The following DCK variants were observed in gnomAD, a reference collection of about 807,000 sequenced individuals.
DCK encodes the protein deoxyadenosine kinase.
A neutral mutation model predicts 38.3 loss-of-function variants in DCK; 23 were observed. The ratio of observed to expected loss-of-function variants is 0.60; its 90% confidence interval spans 0.43 to 0.85. The LOEUF (loss-of-function observed/expected upper bound fraction) is 0.85. DCK is among the 40% of genes least tolerant of loss of function. The pLI is 0.00. For synonymous variants in DCK, 108 were observed against 100.6 expected, an observed-to-expected ratio of 1.07 and a Z score of -0.44; for missense variants, 259 against 304.4, an observed-to-expected ratio of 0.85 and a Z score of 1.11.
chr4:71,026,613 T>C (rs1336684792), intron 5 of DCK, 52 bp from the exon 6 acceptor site: 15 of 887,600 alleles, frequency 1.7e-5, no homozygotes, highest in Non-Finnish European at 2.6e-5. Context: ...AATGTTTCTC[T>C]CTTTTTTTTG....
intron 2 of DCK, among the ~76,000 whole-genome samples, chr4:71,005,186 C>T (rs1440493118): frequency 6.6e-6 from 1 of 152,030 alleles, no homozygotes. Context: ...CTGGATAGCA[C>T]CATCCCTCAA....
At chr4:71,011,733 A>G (rs1434015792) in intron 2 of DCK, among the ~76,000 whole-genome samples, 2 of 152,164 alleles carry the variant, frequency 1.3e-5, no homozygotes, top group Non-Finnish European at 2.9e-5. Context: ...CTCTTTTGCA[A>G]TGTTTACAAA....
At chr4:71,014,103 G>C (rs1449206330) in intron 2 of DCK, among the ~76,000 whole-genome samples, 5 of 152,102 alleles carry the variant, frequency 3.3e-5, no homozygotes, top group African/African-American at 1.2e-4. Context: ...ACAAAAAAAA[G>C]GCAGGTGTTG....
intron 5 of DCK, among the ~76,000 whole-genome samples, chr4:71,026,364 G>C (rs1740546717): frequency 6.6e-6 from 1 of 152,036 alleles, no homozygotes; most frequent in Non-Finnish European, 1.5e-5. Flanking sequence ...ACAATTCTGA[G>C]CTTTAGTTTT....
At chr4:71,017,858 A>G (rs1055663354) in intron 2 of DCK, among the ~76,000 whole-genome samples, 4 of 152,098 alleles carry the variant, frequency 2.6e-5, no homozygotes, top group East Asian at 1.9e-4. Context: ...CAGTACACCA[A>G]CATGGCACAT....
chr4:71,019,708 G>A (rs1331601959), intron 2 of DCK, among the ~76,000 whole-genome samples: 3 of 151,942 alleles, frequency 2.0e-5, no homozygotes, highest in Admixed American at 6.6e-5. Context: ...GTCTAATAAT[G>A]TTTTCGTAAT....
In DCK at chr4:71,002,775, G is replaced by T. The variant is rs1048574973; in HGVS notation, c.207+4593G>T. Among the ~76,000 whole-genome samples the T allele has an allele frequency of 2.0e-5, 3 of 152,044 alleles. No homozygotes were observed. In the South Asian group the frequency reaches 6.2e-4, roughly 32 times the overall value. ...GTCTGTTTTATCTGAGACTAGGATT[G>T]CAACCCCTGCCTTTTTTTTGCTTTC... On this transcript the variant is annotated intron_variant, in intron 2 of 6. Transcript: ENST00000286648.
chr4:71,029,186 G>A (rs1355414035), intron 6 of DCK, among the ~76,000 whole-genome samples, 166 bp from the exon 7 acceptor site: 2 of 152,202 alleles, frequency 1.3e-5, no homozygotes, highest in East Asian at 1.9e-4. Context: ...GAGCCGCTGC[G>A]CCCGGCCTTA....
intron 6 of DCK, 105 bp from the exon 7 acceptor site, chr4:71,029,247 A>C: frequency 3.2e-6 from 2 of 632,660 alleles, no homozygotes; most frequent in Non-Finnish European, 2.7e-6. Context: ...AGTTACTTAT[A>C]CAGCTGGGGT....
At chr4:71,011,706 AG>A (rs1740095489) in intron 2 of DCK, among the ~76,000 whole-genome samples, 2 of 152,210 alleles carry the variant, frequency 1.3e-5, no homozygotes, top group Non-Finnish European at 2.9e-5. Flanking sequence ...GATCTTTTAC[AG>A]TTGAACTTAA....
At position 70,998,184 on chromosome 4, in the gene DCK, T is replaced by C; in HGVS notation, c.207+2T>C. On this transcript the variant is annotated splice_donor_variant, in intron 2 of 6. Transcript: ENST00000286648. LOFTEE classifies it high-confidence loss of function. The stretch of plus-strand genomic sequence containing the variant: ...CAAAGTACTCAAGATGAATTTGAGG[T>C]ATGAAAATAAAATTTAAGTAGATAA... 2 of 1,500,060 alleles carry C rather than the reference T, an allele frequency of 1.3e-6. No homozygotes were observed. The highest frequency in any genetic ancestry group is 1.8e-6 in the Non-Finnish European group (2 of 1,086,660). 92.9% of individuals were successfully genotyped at this position (1,500,060 alleles called of 1,614,324 possible). A position where few individuals can be genotyped will look rare whatever the true frequency, so the allele number is the denominator to read the frequency against.
At chr4:71,025,558 T>A (rs1162560940) in intron 4 of DCK, among the ~76,000 whole-genome samples, 2 of 152,124 alleles carry the variant, frequency 1.3e-5, no homozygotes, top group Non-Finnish European at 2.9e-5. Context: ...CTCCTTTTTA[T>A]CAAACTTAGT....
chr4:70,995,638 C>T (rs1739644981), intron 1 of DCK, among the ~76,000 whole-genome samples: 1 of 152,146 alleles, frequency 6.6e-6, no homozygotes, highest in Admixed American at 6.5e-5. Flanking sequence ...TACCACAATA[C>T]ATTCATCCCC....
At position 71,022,430 on chromosome 4, in the gene DCK, C is replaced by T. The variant is rs1740448194; in HGVS notation, c.271C>T (p.Arg91Ter). 4 of 1,605,586 alleles carry T rather than the reference C, an allele frequency of 2.5e-6. No homozygotes were observed. Among genetic ancestry groups the T allele is most frequent in the East Asian group, 2.2e-5 (1 of 44,568 alleles). The change falls in exon 3 of 7, where the codon CGA becomes TGA. Residue 91 changes from arginine to a stop codon, truncating the protein, a stop_gained. Coordinates refer to ENST00000286648, the MANE Select transcript of DCK (RefSeq NM_000788.3). LOFTEE classifies it high-confidence loss of function. ...TCAGATGATGTATGAGAAACCTGAA[C>T]GATGGTCTTTTACCTTCCAAACATA... Reference protein sequence around the residue: ...VLQMMYEKPERWSFTFQTYAC... With the variant: ...VLQMMYEKPE
intron 2 of DCK, among the ~76,000 whole-genome samples, chr4:71,019,367 G>A (rs1740350435): frequency 1.3e-5 from 2 of 152,180 alleles, no homozygotes; most frequent in African/African-American, 4.8e-5. Flanking sequence ...AAGGAGGTAT[G>A]TGGTCTTTTT....
Position 71,029,351 on chromosome 4 carries a change from G to T in DCK, c.757-1G>T. The T allele has an allele frequency of 6.3e-7, 1 of 1,597,674 alleles. No homozygotes were observed. The highest frequency in any genetic ancestry group is 8.5e-7 in the Non-Finnish European group (1 of 1,170,960). On this transcript the variant is annotated splice_acceptor_variant, in intron 6 of 6. Coordinates refer to ENST00000286648, the MANE Select transcript of DCK (RefSeq NM_000788.3). LOFTEE classifies it high-confidence loss of function. ...TGATTTTTTTTTCTTCCTTTCCTCAGGTCAAAGAGTTTTTGAGTACTTTGT... is the reference window on the plus strand; with the variant it reads ...TGATTTTTTTTTCTTCCTTTCCTCATGTCAAAGAGTTTTTGAGTACTTTGT...
In DCK at chr4:71,008,775, A is replaced by T. The variant is rs757708913; in HGVS notation, c.207+10593A>T. 3.3e-5 allele frequency among the ~76,000 whole-genome samples: 5 copies of T among 152,350 alleles called. No homozygotes were observed. The East Asian group carries it at 5.8e-4, about 18-fold the overall frequency. On this transcript the variant is annotated intron_variant, in intron 2 of 6. Transcript: ENST00000286648. ...CCAAGGGCACAGAAACTGACATATA[A>T]AACCAAAATGCCAAAAATTTTAATT...
chr4:70,998,092 T>C lies in DCK; in HGVS notation c.117T>C (p.Asn39=). 5.6e-6 allele frequency: 9 copies of C among 1,599,326 alleles called. No homozygotes were observed. The highest frequency in any genetic ancestry group is 6.8e-6 in the Non-Finnish European group (8 of 1,170,612). Residue 39 remains asparagine, a synonymous_variant, in exon 2 of 7, where the codon AAT becomes AAC. Transcript: ENST00000286648. ...CTGCAGGGAAGTCAACATTTGTGAA[T>C]ATCCTTAAACAATTGTGTGAAGATT... ...NIAAGKSTFV[N]ILKQLCEDWE... is the part of the protein sequence containing the mutation.
In DCK at chr4:71,029,439, TAACTTC is replaced by T. The variant is rs1740633258; in HGVS notation, c.*63_*68del. On this transcript the variant is annotated 3_prime_UTR_variant, in exon 7 of 7. Transcript: ENST00000286648. ...GATACTTCAGCTTTGTGTATCTTCG[TAACTTC>T]ATATTAATATAAGTTTCTTTAGAAA... The T allele has an allele frequency of 8.3e-7, 1 of 1,202,650 alleles. No homozygotes were observed. The highest frequency in any genetic ancestry group is 1.5e-5 in the African/African-American group (1 of 66,436). The allele number at this position is 1,202,650 out of a possible 1,614,324, so 74.5% of individuals were successfully genotyped here.
Sources: gnomAD v4.1 joint callset for allele counts (sites outside exome capture counted in the v4.1 genomes callset) on GRCh38, gnomAD v4.1.1 for gene constraint, MANE v1.5 for transcripts, NCBI Gene and HGNC (gene_info 2026-07-23, HGNC 2026-07-21) for gene names.